The following PHF21A variants were observed in gnomAD, a reference collection of about 807,000 sequenced individuals.
PHF21A encodes the protein PHD finger protein 21A, also known as BHC80a.
A neutral mutation model predicts 82.5 loss-of-function variants in PHF21A; 11 were observed. That is an observed-to-expected ratio of 0.13 (90% CI 0.08 to 0.22). The LOEUF is 0.22. Ranked by LOEUF, PHF21A falls within the 10% of genes least tolerant of loss-of-function variation. The pLI is 1.00. For synonymous variants in PHF21A, 297 were observed against 302.8 expected, an observed-to-expected ratio of 0.98 and a Z score of 0.20; for missense variants, 579 against 837.8, an observed-to-expected ratio of 0.69 and a Z score of 3.81.
chr11:46,112,860 A>C (rs1379172944), intron 1 of PHF21A, among the ~76,000 whole-genome samples: 1 of 152,234 alleles, frequency 6.6e-6, no homozygotes, highest in Non-Finnish European at 1.5e-5. Flanking sequence ...CTGTATCGCC[A>C]CATGCATAAA....
At chr11:46,066,016 C>T (rs1475584852) in intron 6 of PHF21A, among the ~76,000 whole-genome samples, 2 of 152,208 alleles carry the variant, frequency 1.3e-5, no homozygotes, top group Non-Finnish European at 2.9e-5. Flanking sequence ...TTTCAAAAGA[C>T]AGCTTCCTGT....
At chr11:46,044,239 C>G (rs183402691) in intron 6 of PHF21A, among the ~76,000 whole-genome samples, 1 of 152,182 alleles carries the variant, frequency 6.6e-6, no homozygotes, top group East Asian at 1.9e-4. Flanking sequence ...TATAGTACAG[C>G]TAGAGGTACC....
chr11:46,062,485 AT>A (rs1223477499), intron 6 of PHF21A, among the ~76,000 whole-genome samples: 2 of 151,784 alleles, frequency 1.3e-5, no homozygotes, highest in Non-Finnish European at 2.9e-5. Context: ...CTGTTTTCTA[AT>A]TGTTCCTTTA....
At chr11:45,986,620 T>C (rs1034850812) in intron 6 of PHF21A, among the ~76,000 whole-genome samples, 3 of 152,342 alleles carry the variant, frequency 2.0e-5, no homozygotes, top group African/African-American at 4.8e-5. Flanking sequence ...GTTTTCTACA[T>C]TTCTTTGAAG....
intron 3 of PHF21A, among the ~76,000 whole-genome samples, chr11:46,090,025 G>A (rs6485663): frequency 0.75 from 114,175 of 151,304 alleles, 45,433 homozygotes; most frequent in Non-Finnish European, 0.9. Context: ...CAGGCTGTCT[G>A]AATATACACA....
chr11:46,109,586 CA>C (rs1052402462), intron 1 of PHF21A, among the ~76,000 whole-genome samples: 2 of 152,032 alleles, frequency 1.3e-5, no homozygotes, highest in African/African-American at 4.8e-5. Context: ...ATTCCCATGA[CA>C]ACACACCAGT....
chr11:46,107,660 T>A (rs1463664436), intron 1 of PHF21A, among the ~76,000 whole-genome samples: 1 of 152,192 alleles, frequency 6.6e-6, no homozygotes, highest in Non-Finnish European at 1.5e-5. Flanking sequence ...AACGAAAACT[T>A]TTTATTACCT....
intron 7 of PHF21A, among the ~76,000 whole-genome samples, chr11:45,976,955 A>C (rs897992369): frequency 2.0e-5 from 3 of 152,196 alleles, no homozygotes; most frequent in African/African-American, 7.2e-5. Flanking sequence ...GCATTAAATA[A>C]AACAATATTT....
intron 1 of PHF21A, among the ~76,000 whole-genome samples, chr11:46,095,885 C>T (rs1159983637): frequency 1.3e-5 from 2 of 152,160 alleles, no homozygotes; most frequent in East Asian, 1.9e-4. Context: ...TAGAATAGCA[C>T]AGATAATTGT....
At chr11:46,085,385 C>A (rs572441557) in intron 3 of PHF21A, among the ~76,000 whole-genome samples, 1 of 152,108 alleles carries the variant, frequency 6.6e-6, no homozygotes, top group South Asian at 2.1e-4. Context: ...TAATATGACA[C>A]CCAGCTTGAC....
At chr11:46,114,835 C>T (rs1357595383) in intron 1 of PHF21A, among the ~76,000 whole-genome samples, 1 of 152,144 alleles carries the variant, frequency 6.6e-6, no homozygotes, top group African/African-American at 2.4e-5. Context: ...TCCTTCTCCT[C>T]AAGTACTGAC....
chr11:46,074,031 G>GT (rs564484234), intron 6 of PHF21A, among the ~76,000 whole-genome samples: 1 of 152,110 alleles, frequency 6.6e-6, no homozygotes, highest in Non-Finnish European at 1.5e-5. Context: ...GAGAAACTGA[G>GT]TAAGTATCAA....
At chr11:46,012,821 C>A (rs1417405141) in intron 6 of PHF21A, among the ~76,000 whole-genome samples, 1 of 152,140 alleles carries the variant, frequency 6.6e-6, no homozygotes, top group Non-Finnish European at 1.5e-5. Context: ...TTAATGATAC[C>A]CTAAGAGCTC....
At chr11:46,001,350 T>C (rs1004844482) in intron 6 of PHF21A, among the ~76,000 whole-genome samples, 5 of 150,896 alleles carry the variant, frequency 3.3e-5, no homozygotes, top group Admixed American at 6.6e-5. Context: ...ACACTAGATA[T>C]CACTGTTATC....
intron 5 of PHF21A, among the ~76,000 whole-genome samples, chr11:46,078,281 A>C (rs761970057): frequency 6.6e-6 from 1 of 152,184 alleles, no homozygotes; most frequent in East Asian, 1.9e-4. Flanking sequence ...CCAAAAATCA[A>C]TGTGCCTCAG....
intron 6 of PHF21A, among the ~76,000 whole-genome samples, chr11:46,017,836 A>G: frequency 6.6e-6 from 1 of 152,224 alleles, no homozygotes; most frequent in Non-Finnish European, 1.5e-5. Context: ...CACAGTGTAA[A>G]TAGCCACCCA....
chr11:45,965,659 C>T, intron 9 of PHF21A, 51 bp from the exon 10 acceptor site: 1 of 1,383,196 alleles, frequency 7.2e-7, no homozygotes, highest in Non-Finnish European at 9.8e-7. Flanking sequence ...TGCTCAAGTC[C>T]TATAAAAGCA....
chr11:46,004,682 T>C (rs1261187589), intron 6 of PHF21A, among the ~76,000 whole-genome samples: 2 of 152,192 alleles, frequency 1.3e-5, no homozygotes, highest in Non-Finnish European at 2.9e-5. Flanking sequence ...TACTTTTTCA[T>C]AGCACTTAAC....
intron 6 of PHF21A, among the ~76,000 whole-genome samples, chr11:46,041,620 G>A (rs1004786581): frequency 3.3e-5 from 5 of 152,098 alleles, no homozygotes; most frequent in Non-Finnish European, 5.9e-5. Context: ...TACCCAATTT[G>A]TTGCTTTATA....
Sources: gnomAD v4.1 joint callset for allele counts (sites outside exome capture counted in the v4.1 genomes callset) on GRCh38, gnomAD v4.1.1 for gene constraint, MANE v1.5 for transcripts, NCBI Gene and HGNC (gene_info 2026-07-23, HGNC 2026-07-21) for gene names.